BCL11B: variants seen among roughly 807,000 people sequenced by gnomAD.
The protein encoded by BCL11B is BCL11 transcription factor B.
A neutral mutation model predicts 49.9 loss-of-function variants in BCL11B; 8 were observed. That is an observed-to-expected ratio of 0.16 (90% CI 0.09 to 0.29). The LOEUF is 0.29. Ranked by LOEUF, BCL11B falls within the 10% of genes least tolerant of loss-of-function variation. The pLI is 1.00. For missense variants in BCL11B, 1,006 were observed against 1,351.0 expected (o/e 0.74, Z 4.00); for synonymous variants, 739 against 637.4 (o/e 1.16, Z -2.40).
intron 1 of BCL11B, among the ~76,000 whole-genome samples, chr14:99,267,390 TTC>T (rs1345248283): frequency 1.3e-5 from 2 of 152,158 alleles, no homozygotes; most frequent in Non-Finnish European, 2.9e-5. Flanking sequence ...CACGGCTGTT[TTC>T]TCTCAGGTGT....
At chr14:99,230,995 G>A (rs538607019) in intron 3 of BCL11B, among the ~76,000 whole-genome samples, 61 of 152,306 alleles carry the variant, frequency 4.0e-4, no homozygotes, top group African/African-American at 1.1e-3. Context: ...TGTCTGGGGT[G>A]GGGGAGGGGG....
intron 2 of BCL11B, among the ~76,000 whole-genome samples, chr14:99,255,404 GGAAA>G (rs1889128673): frequency 2.2e-5 from 1 of 45,560 alleles, no homozygotes; most frequent in Non-Finnish European, 3.4e-5. Context: ...ATCACAACCT[GGAAA>G]AAAAAAAAAA....
chr14:99,200,387 A>C (rs971942722), intron 3 of BCL11B, among the ~76,000 whole-genome samples: 1 of 152,232 alleles, frequency 6.6e-6, no homozygotes, highest in Admixed American at 6.5e-5. Flanking sequence ...AGTGCCAAGA[A>C]GCCAATATCT....
At chr14:99,235,079 C>T (rs937320144) in intron 2 of BCL11B, among the ~76,000 whole-genome samples, 1 of 152,134 alleles carries the variant, frequency 6.6e-6, no homozygotes, top group Non-Finnish European at 1.5e-5. Context: ...CGCCCACCGC[C>T]GAGGAGCGTG....
intron 1 of BCL11B, among the ~76,000 whole-genome samples, chr14:99,258,514 G>T (rs1359699012): frequency 6.6e-6 from 1 of 152,288 alleles, no homozygotes; most frequent in African/African-American, 2.4e-5. Context: ...AACCCAGATG[G>T]GCGTCTAAGG....
At position 99,174,203 on chromosome 14, in the gene BCL11B, C is replaced by A; in HGVS notation, c.2633G>T (p.Gly878Val). The A allele has an allele frequency of 6.2e-7, 1 of 1,613,782 alleles. No homozygotes were observed. The highest frequency in any genetic ancestry group is 8.5e-7 in the Non-Finnish European group (1 of 1,180,026). Residue 878 changes from glycine (G) to valine (V), a missense_variant, in exon 4 of 4, where the codon GGC (glycine) becomes GTC (valine). Physicochemically the swap from Gly to Val is moderately radical, Grantham distance 109. Around this residue, in one of 6 missense-constraint regions of BCL11B, gnomAD observed 16 missense variants for 24.1 expected, o/e 0.67. Transcript: ENST00000357195. Reference protein sequence around the residue: ...TLEKHMKKWHGEHLLTNDVKI... With the variant: ...TLEKHMKKWHVEHLLTNDVKI... ...GACGTCGTTAGTCAGCAAGTGCTCG[C>A]CGTGCCACTTTTTCATGTGTTTCTC... is the stretch of plus-strand genomic sequence containing the variant.
At position 99,270,942 on chromosome 14, in the gene BCL11B, G is replaced by C. The variant is rs577900066; in HGVS notation, c.58+219C>G. 2.7e-3 allele frequency among the ~76,000 whole-genome samples: 409 copies of C among 151,536 alleles called. 2 individuals are homozygous for C. Among genetic ancestry groups the C allele is most frequent in the African/African-American group, 9.5e-3 (394 of 41,336 alleles). On this transcript the variant is annotated intron_variant, in intron 1 of 3. Transcript: ENST00000357195. The stretch of plus-strand genomic sequence containing the variant: ...GGCTCCGCAGGCCCCCGAGCCCGAG[G>C]CGCGTCCGGCTGCTCGGCGCCCCAA...
chr14:99,233,281 C>A (rs539871338), intron 2 of BCL11B, among the ~76,000 whole-genome samples: 108 of 152,232 alleles, frequency 7.1e-4, no homozygotes, highest in African/African-American at 2.5e-3. Flanking sequence ...ACAGCCACCT[C>A]GCTCAGAAAA....
At chr14:99,258,273 C>T (rs1248178134) in intron 1 of BCL11B, among the ~76,000 whole-genome samples, 1 of 152,174 alleles carries the variant, frequency 6.6e-6, no homozygotes, top group Non-Finnish European at 1.5e-5. Flanking sequence ...CAGGCAGCAC[C>T]CCTGACCAGT....
chr14:99,261,114 G>A (rs1889324862), intron 1 of BCL11B, among the ~76,000 whole-genome samples: 1 of 152,214 alleles, frequency 6.6e-6, no homozygotes, highest in African/African-American at 2.4e-5. Flanking sequence ...GGCCTGCTGT[G>A]TGCGACACTT....
chr14:99,270,846 C>G (rs996676728), intron 1 of BCL11B, among the ~76,000 whole-genome samples: 7 of 148,610 alleles, frequency 4.7e-5, no homozygotes, highest in African/African-American at 1.7e-4. Flanking sequence ...GAGGGGCGAG[C>G]GTCCAGCCGG....
chr14:99,191,720 C>CAA (rs571396643), intron 3 of BCL11B, among the ~76,000 whole-genome samples: 9 of 142,454 alleles, frequency 6.3e-5, no homozygotes, highest in Admixed American at 7.0e-5. Context: ...AGCCCTCCAC[C>CAA]AAAAAAAAAA....
chr14:99,272,067 G>C lies in BCL11B; in HGVS notation c.-849C>G, dbSNP rs1035322341. 6.6e-6 allele frequency among the ~76,000 whole-genome samples: 1 copy of C among 151,896 alleles called. No homozygotes were observed. The highest frequency in any genetic ancestry group is 2.1e-4 in the South Asian group (1 of 4,824). On this transcript the variant is annotated 5_prime_UTR_variant, in exon 1 of 4. Coordinates refer to ENST00000357195, the MANE Select transcript of BCL11B (RefSeq NM_138576.4). The surrounding 1 kb of genome is among the most constrained non-coding windows in gnomAD (Gnocchi z 6.0). ...GCGCTCCCCTGGCGCCGCGGGCCCG[G>C]GGGGAGCGGGGCGGAGGGGCGGCTC...
chr14:99,182,182 A>G (rs1356071243), intron 3 of BCL11B, among the ~76,000 whole-genome samples: 1 of 152,202 alleles, frequency 6.6e-6, no homozygotes, highest in Non-Finnish European at 1.5e-5. Context: ...TCACAGTGGT[A>G]ACAAGAAAGC....
rs1278526880 is a variant in BCL11B, at chr14:99,250,320, C to A, written c.427+7151G>T. ...AAAGTCCTGAGATTACAGGCGTGAGCCCCCGTGCCCAGCAGGAGAATCTCT... is the reference window on the plus strand; with the variant it reads ...AAAGTCCTGAGATTACAGGCGTGAGACCCCGTGCCCAGCAGGAGAATCTCT... On this transcript the variant is annotated intron_variant, in intron 2 of 3. Transcript: ENST00000357195. Among the ~76,000 whole-genome samples, 4 of 152,086 alleles carry A rather than the reference C, an allele frequency of 2.6e-5. No individual in the cohort carries two copies. The East Asian group carries it at 7.8e-4, about 30-fold the overall frequency.
At chr14:99,198,761 C>A (rs550786403) in intron 3 of BCL11B, among the ~76,000 whole-genome samples, 1 of 152,318 alleles carries the variant, frequency 6.6e-6, no homozygotes, top group South Asian at 2.1e-4. Flanking sequence ...CTGGGCTAAT[C>A]CTAAGACACA....
intron 3 of BCL11B, among the ~76,000 whole-genome samples, chr14:99,211,789 C>T (rs1035649835): frequency 7.9e-5 from 12 of 152,216 alleles, no homozygotes; most frequent in Non-Finnish European, 1.2e-4. Context: ...CCCCCCACCA[C>T]TGGTTCCTCG....
chr14:99,245,482 A>AT (rs1888797977), intron 2 of BCL11B, among the ~76,000 whole-genome samples: 1 of 152,166 alleles, frequency 6.6e-6, no homozygotes, highest in Non-Finnish European at 1.5e-5. Context: ...GGATGATCAC[A>AT]TTTTTGTACA....
At chr14:99,208,873 G>A (rs1346398052) in intron 3 of BCL11B, among the ~76,000 whole-genome samples, 1 of 152,198 alleles carries the variant, frequency 6.6e-6, no homozygotes, top group East Asian at 1.9e-4. Flanking sequence ...GCTCGTCCCT[G>A]CCCTCAGCTC....
Sources: allele counts gnomAD v4.1 joint callset (sites outside exome capture counted in the v4.1 genomes callset), GRCh38; gene constraint gnomAD v4.1.1; regional missense constraint gnomAD v4.1.1; non-coding constraint Gnocchi (gnomAD v3.1); transcripts MANE v1.5; gene names NCBI Gene and HGNC (gene_info 2026-07-23, HGNC 2026-07-21).